SPATA31H1: variants seen among roughly 807,000 people sequenced by gnomAD.
SPATA31H1 encodes spermatogenesis-associated protein 31H1.
chr2:27,579,766 A>G, the SPATA31H1 span: 3 of 1,614,080 alleles, frequency 1.9e-6, no homozygotes, highest in Non-Finnish European at 2.5e-6. Context: ...GAGTCCCAAC[A>G]CTCCCTCAAG....
At chr2:27,543,810 C>G in the SPATA31H1 span, among the ~76,000 whole-genome samples, 2 of 151,958 alleles carry the variant, frequency 1.3e-5, no homozygotes, top group African/African-American at 4.8e-5. Context: ...ACCCCCTACC[C>G]AAGGTTCTCC....
chr2:27,579,705 C>T, the SPATA31H1 span: 1 of 1,614,120 alleles, frequency 6.2e-7, no homozygotes, highest in Non-Finnish European at 8.5e-7. Context: ...AGATCTTGTT[C>T]CAATGGAAGA....
chr2:27,575,120 A>C, the SPATA31H1 span: 1 of 398,520 alleles, frequency 2.5e-6, no homozygotes, highest in Non-Finnish European at 4.4e-6. This position sits in a 1 kb window ranked among gnomAD's most constrained non-coding sequence, Gnocchi z 4.1. Flanking sequence ...ATCCTGGGGC[A>C]AAGTTGGAAG....
the SPATA31H1 span, among the ~76,000 whole-genome samples, chr2:27,565,720 C>A: frequency 3.3e-5 from 5 of 152,188 alleles, no homozygotes; most frequent in Non-Finnish European, 5.9e-5. Flanking sequence ...TTTTCCCCCC[C>A]ACCACAGATA....
chr2:27,561,892 G>A, the SPATA31H1 span, among the ~76,000 whole-genome samples: 1 of 152,100 alleles, frequency 6.6e-6, no homozygotes, highest in Admixed American at 6.6e-5. Flanking sequence ...GTAGAGATGG[G>A]GTTTCGTCAC....
chr2:27,556,054 T>A, the SPATA31H1 span, among the ~76,000 whole-genome samples: 4 of 149,768 alleles, frequency 2.7e-5, no homozygotes, highest in African/African-American at 1.0e-4. Context: ...AGTGCTTGAA[T>A]TGGGGAGGCG....
At chr2:27,572,764 C>T in the SPATA31H1 span, 13 of 394,812 alleles carry the variant, frequency 3.3e-5, no homozygotes, top group South Asian at 1.3e-4. Context: ...CCTGGAGAGT[C>T]GAAATCTTCC....
At chr2:27,559,256 C>T in the SPATA31H1 span, among the ~76,000 whole-genome samples, 1 of 152,146 alleles carries the variant, frequency 6.6e-6, no homozygotes, top group Non-Finnish European at 1.5e-5. Flanking sequence ...TTATCAGAGG[C>T]TGAGCTTCCA....
At chr2:27,571,457 T>C in the SPATA31H1 span, 1 of 398,348 alleles carries the variant, frequency 2.5e-6, no homozygotes, top group Non-Finnish European at 4.4e-6. Context: ...AGCTTCAAGG[T>C]GTAAAATCTG....
At chr2:27,579,821 C>T in the SPATA31H1 span, 5 of 1,614,202 alleles carry the variant, frequency 3.1e-6, no homozygotes, top group Non-Finnish European at 4.2e-6. Context: ...CAGAACAGTT[C>T]CAGTTGCTAG....
At chr2:27,582,054 A>G in the SPATA31H1 span, 1 of 1,614,028 alleles carries the variant, frequency 6.2e-7, no homozygotes, top group Admixed American at 1.7e-5. Flanking sequence ...TCCCTCTGAG[A>G]GGAGATCTCA....
the SPATA31H1 span, chr2:27,571,770 C>G: frequency 2.5e-6 from 1 of 398,480 alleles, no homozygotes; most frequent in Non-Finnish European, 4.4e-6. Flanking sequence ...AAAGGAGACT[C>G]AAGATCCACA....
At chr2:27,582,477 C>T in the SPATA31H1 span, 2 of 1,613,044 alleles carry the variant, frequency 1.2e-6, no homozygotes, top group Admixed American at 1.7e-5. Flanking sequence ...CGGGACCACA[C>T]ATAAAAATCC....
At chr2:27,551,972 T>C in the SPATA31H1 span, among the ~76,000 whole-genome samples, 3 of 151,890 alleles carry the variant, frequency 2.0e-5, no homozygotes, top group Non-Finnish European at 4.4e-5. Context: ...TGCACCACCA[T>C]GCCCAGCTAA....
chr2:27,541,402 G>A, the SPATA31H1 span, among the ~76,000 whole-genome samples: 107 of 151,600 alleles, frequency 7.1e-4, 1 homozygote, highest in African/African-American at 2.5e-3. Context: ...ACCGTGGGAA[G>A]GGGGAGAGAG....
chr2:27,540,123 C>T, the SPATA31H1 span, among the ~76,000 whole-genome samples: 2 of 98,152 alleles, frequency 2.0e-5, no homozygotes, highest in Admixed American at 9.8e-5. Flanking sequence ...CCGGACGGGG[C>T]GGCCGGCCGG....
chr2:27,577,083 G>C, the SPATA31H1 span: 1 of 1,614,140 alleles, frequency 6.2e-7, no homozygotes, highest in Non-Finnish European at 8.5e-7. The surrounding 1 kb of genome is among the most constrained non-coding windows in gnomAD (Gnocchi z 4.5). Flanking sequence ...GGCATATAAA[G>C]GCATAGATAC....
At chr2:27,543,087 G>T in the SPATA31H1 span, among the ~76,000 whole-genome samples, 3 of 151,968 alleles carry the variant, frequency 2.0e-5, no homozygotes, top group East Asian at 5.8e-4. Flanking sequence ...GACAGAGCAA[G>T]ATGCTGTCTG....
the SPATA31H1 span, chr2:27,576,040 C>T: frequency 2.5e-6 from 1 of 398,734 alleles, no homozygotes; most frequent in African/African-American, 2.1e-5. Flanking sequence ...CTACGTGCAG[C>T]ACCTATGGAA....
Sources: allele counts gnomAD v4.1 joint callset (sites outside exome capture counted in the v4.1 genomes callset), GRCh38; gene constraint gnomAD v4.1.1; non-coding constraint Gnocchi (gnomAD v3.1); transcripts MANE v1.5; gene names NCBI Gene and HGNC (gene_info 2026-07-23, HGNC 2026-07-21).